Variants in LTBP1 observed in about 807,000 individuals in gnomAD.
The protein encoded by LTBP1 is latent transforming growth factor beta binding protein 1.
Under a neutral mutation model 207.6 loss-of-function variants are expected in LTBP1, and 129 were observed. The ratio of observed to expected loss-of-function variants is 0.62; its 90% CI spans 0.54 to 0.72. The LOEUF (loss-of-function observed/expected upper bound fraction) is 0.72, where lower values mean the gene tolerates loss of function less well. LTBP1 is among the 30% of genes least tolerant of loss of function. LTBP1 has a pLI of 0.00. For missense variants in LTBP1, 2,281 were observed against 2,217.2 expected, an observed-to-expected ratio of 1.03 and a Z score of -0.58; for synonymous variants, 963 against 833.7, an observed-to-expected ratio of 1.16 and a Z score of -2.67.
intron 3 of LTBP1, among the ~76,000 whole-genome samples, chr2:33,031,520 A>T (rs529946139): frequency 8.7e-4 from 132 of 152,298 alleles, no homozygotes; most frequent in African/African-American, 2.9e-3. Context: ...ATAGCATAAT[A>T]CCTAATAAGC....
intron 27 of LTBP1, 73 bp downstream of exon 27, chr2:33,360,852 C>A: frequency 7.4e-7 from 1 of 1,356,628 alleles, no homozygotes; most frequent in Non-Finnish European, 1.0e-6. Flanking sequence ...GAAATGATAA[C>A]ACTCATTCCC....
At chr2:32,986,955 G>A (rs1168921297) in intron 2 of LTBP1, among the ~76,000 whole-genome samples, 8 of 152,202 alleles carry the variant, frequency 5.3e-5, no homozygotes, top group Non-Finnish European at 8.8e-5. Context: ...CACCTGGCCA[G>A]TGGTTTGTGT....
At chr2:33,181,297 T>C (rs1351699694) in intron 5 of LTBP1, among the ~76,000 whole-genome samples, 1 of 152,226 alleles carries the variant, frequency 6.6e-6, no homozygotes, top group Non-Finnish European at 1.5e-5. Context: ...TATATACAAG[T>C]CATGAATATT....
chr2:33,320,804 A>G (rs958746717), intron 24 of LTBP1, among the ~76,000 whole-genome samples: 17 of 152,212 alleles, frequency 1.1e-4, no homozygotes, highest in Admixed American at 4.6e-4. Flanking sequence ...TAACAACTGT[A>G]TGTACCAGTC....
chr2:33,107,050 C>T (rs1350272746), intron 3 of LTBP1, among the ~76,000 whole-genome samples: 2 of 152,164 alleles, frequency 1.3e-5, no homozygotes, highest in Non-Finnish European at 2.9e-5. Context: ...TGACTCCTGA[C>T]CAGTGTACTT....
intron 2 of LTBP1, among the ~76,000 whole-genome samples, chr2:32,974,423 G>T (rs538766534): frequency 6.6e-6 from 1 of 152,012 alleles, no homozygotes; most frequent in Non-Finnish European, 1.5e-5. Context: ...GCCCATTTTC[G>T]ATGGGATTAT....
chr2:32,974,914 C>T (rs1443258022), intron 2 of LTBP1, among the ~76,000 whole-genome samples: 2 of 152,178 alleles, frequency 1.3e-5, no homozygotes, highest in Non-Finnish European at 2.9e-5. Context: ...TTGATCCTGT[C>T]ACCATGTTGT....
At chr2:33,252,550 A>G in intron 10 of LTBP1, 127 bp from the exon 11 acceptor site, 2 of 880,122 alleles carry the variant, frequency 2.3e-6, no homozygotes, top group East Asian at 2.5e-5. Flanking sequence ...TGATGCTCTA[A>G]ATCTAGACAG....
chr2:33,197,076 A>C (rs1179823086), intron 7 of LTBP1, among the ~76,000 whole-genome samples: 1 of 152,262 alleles, frequency 6.6e-6, no homozygotes, highest in African/African-American at 2.4e-5. Flanking sequence ...TTAGTATTTC[A>C]GAGTTCTAAA....
chr2:33,141,804 G>A lies in LTBP1; in HGVS notation c.1201+6844G>A, dbSNP rs181866915. ...CCCCCCAAAAAGGCTGACATTTGGA[G>A]CATTCTTCCAGACTTTTCCTATCTC... On this transcript the variant is annotated intron_variant, in intron 5 of 33. Transcript: ENST00000404816. 2.1e-3 allele frequency among the ~76,000 whole-genome samples: 325 copies of A among 152,288 alleles called. 2 individuals are homozygous for A. Among genetic ancestry groups the A allele is most frequent in the African/African-American group, 7.5e-3 (311 of 41,560 alleles).
intron 2 of LTBP1, among the ~76,000 whole-genome samples, chr2:33,010,631 C>A (rs981577271): frequency 6.6e-6 from 1 of 151,940 alleles, no homozygotes; most frequent in Non-Finnish European, 1.5e-5. Context: ...TCACATGGAC[C>A]CCATAAACAT....
intron 5 of LTBP1, among the ~76,000 whole-genome samples, chr2:33,176,413 T>C (rs2086063473): frequency 6.6e-6 from 1 of 151,952 alleles, no homozygotes; most frequent in Admixed American, 6.6e-5. Flanking sequence ...TTTTAGTAGA[T>C]ACGGGGTTTC....
intron 5 of LTBP1, among the ~76,000 whole-genome samples, chr2:33,161,552 C>T (rs931929596): frequency 6.6e-6 from 1 of 152,208 alleles, no homozygotes; most frequent in African/African-American, 2.4e-5. Flanking sequence ...CAGGCGTGAG[C>T]CACCACGCCC....
chr2:33,312,351 C>T (rs941855791), intron 23 of LTBP1, among the ~76,000 whole-genome samples: 8 of 152,090 alleles, frequency 5.3e-5, no homozygotes, highest in Non-Finnish European at 7.4e-5. Flanking sequence ...CAGTTGGAAG[C>T]GTGTTTAAGA....
intron 3 of LTBP1, among the ~76,000 whole-genome samples, chr2:33,108,420 GTTAAC>G (rs1047162282): frequency 6.6e-6 from 1 of 152,098 alleles, no homozygotes; most frequent in African/African-American, 2.4e-5. Flanking sequence ...GCTGAGGGCT[GTTAAC>G]TTAAGTTCTA....
intron 3 of LTBP1, among the ~76,000 whole-genome samples, chr2:33,050,134 T>A (rs1324732146): frequency 7.4e-6 from 1 of 134,666 alleles, no homozygotes; most frequent in East Asian, 2.1e-4. Context: ...GTAAGCATTT[T>A]TTTTTTTTTC....
At position 32,967,341 on chromosome 2, in the gene LTBP1, T is replaced by C. The variant is rs115650031; in HGVS notation, c.565+18396T>C. Among the ~76,000 whole-genome samples the C allele has an allele frequency of 3.3e-3, 502 of 152,270 alleles. 1 individual carries two copies. The highest frequency in any genetic ancestry group is 4.7e-3 in the Non-Finnish European group (322 of 68,004). ...CGATTTCTGCTCTAATTTTCATTAT[T>C]TCTTTTCCACTGCTTACTTTGGATT... On this transcript the variant is annotated intron_variant, in intron 2 of 33. Coordinates refer to ENST00000404816, the MANE Select transcript of LTBP1 (RefSeq NM_206943.4).
intron 22 of LTBP1, among the ~76,000 whole-genome samples, chr2:33,309,068 A>C (rs2094141978): frequency 6.6e-6 from 1 of 152,084 alleles, no homozygotes; most frequent in African/African-American, 2.4e-5. Flanking sequence ...GGATCACTTG[A>C]GGTCCGGAGT....
At chr2:33,195,165 T>A (rs2148967082) in intron 7 of LTBP1, among the ~76,000 whole-genome samples, 1 of 152,336 alleles carries the variant, frequency 6.6e-6, no homozygotes, top group South Asian at 2.1e-4. Context: ...ATGCCTGCAA[T>A]CACAACATCC....
Sources: allele counts gnomAD v4.1 joint callset (sites outside exome capture counted in the v4.1 genomes callset), GRCh38; gene constraint gnomAD v4.1.1; transcripts MANE v1.5; gene names NCBI Gene and HGNC (gene_info 2026-07-23, HGNC 2026-07-21).